Variants in NBEAL1 observed in about 807,000 individuals in gnomAD.
NBEAL1 encodes the protein neurobeachin like 1, also known as neurobeachin-like protein 1.
NBEAL1 carries 273 observed loss-of-function variants against 351.3 expected under a neutral mutation model. The observed-to-expected ratio is 0.78, with a 90% CI of 0.70 to 0.86. The LOEUF is 0.86. Among genes scored for constraint, NBEAL1 ranks in the 40% least tolerant of loss-of-function variants. The pLI, the probability that NBEAL1 is intolerant of heterozygous loss-of-function variation, is 0.00. For missense variants in NBEAL1, 2,961 were observed against 3,201.3 expected (o/e 0.92, Z 1.81); for synonymous variants, 1,050 against 1,086.4 (o/e 0.97, Z 0.66).
At position 203,188,456 on chromosome 2, in the gene NBEAL1, T is replaced by C; in HGVS notation, c.6706-16T>C. On this transcript the variant is annotated splice_polypyrimidine_tract_variant and intron_variant, in intron 44 of 55. Transcript: ENST00000683969. ...AGATATCTCTATATTAATTATTAAA[T>C]TTATTCTTTTTCTAGGAGTCTGAAT... 7.3e-7 allele frequency: 1 copy of C among 1,373,694 alleles called. No homozygotes were observed. Among genetic ancestry groups the C allele is most frequent in the Non-Finnish European group, 9.9e-7 (1 of 1,014,228 alleles). The allele number at this position is 1,373,694 out of a possible 1,614,324, so 85.1% of individuals were successfully genotyped here.
chr2:203,069,812 C>G (rs1041060366), intron 7 of NBEAL1, among the ~76,000 whole-genome samples: 1 of 152,044 alleles, frequency 6.6e-6, no homozygotes, highest in Non-Finnish European at 1.5e-5. Context: ...TATGTGCCAC[C>G]ATGCCTGGCT....
At chr2:203,130,153 T>C (rs1268122484) in intron 24 of NBEAL1, among the ~76,000 whole-genome samples, 165 bp from the exon 25 acceptor site, 2 of 152,060 alleles carry the variant, frequency 1.3e-5, no homozygotes, top group Admixed American at 1.3e-4. Context: ...CAGAGGGAGA[T>C]TCTGTCTCAA....
At chr2:203,217,216 ATATT>A in intron 55 of NBEAL1, 33 bp from the exon 56 acceptor site, 4 of 1,431,354 alleles carry the variant, frequency 2.8e-6, no homozygotes, top group South Asian at 3.1e-5. Context: ...TTTTTTCTTA[ATATT>A]TATTCTTCAT....
chr2:203,190,280 T>C lies in NBEAL1; in HGVS notation c.6824-12T>C. 1 of 1,593,104 alleles carries C rather than the reference T, an allele frequency of 6.3e-7. No homozygotes were observed. Among genetic ancestry groups the C allele is most frequent in the South Asian group, 1.1e-5 (1 of 88,028 alleles). Reference sequence around the variant, plus strand: ...TTTCACTCTATAGTAAGTTGACTTCTTCTGGTTTTAGGAGCTGTGGATCTG... The same window carrying C: ...TTTCACTCTATAGTAAGTTGACTTCCTCTGGTTTTAGGAGCTGTGGATCTG... On this transcript the variant is annotated splice_polypyrimidine_tract_variant and intron_variant, in intron 45 of 55. Coordinates refer to ENST00000683969, the MANE Select transcript of NBEAL1 (RefSeq NM_001378026.1).
chr2:203,067,427 C>G (rs1009797347), intron 6 of NBEAL1, among the ~76,000 whole-genome samples: 1 of 152,182 alleles, frequency 6.6e-6, no homozygotes, highest in African/African-American at 2.4e-5. Context: ...TTAGAACTCT[C>G]TATTTTGCTG....
Position 203,108,093 on chromosome 2 carries a change from G to T in NBEAL1, c.1854G>T (p.Gly618=). ...ISVPPIQKWP[G]SAFSFSAWFC... is the part of the protein sequence containing the mutation. ...TGCCTCCCATACAGAAATGGCCAGG[G>T]TCTGCCTTTTCTTTCAGTGCTTGGT... The change falls in exon 14 of 56, where the codon GGG becomes GGT. Residue 618 remains glycine, a synonymous_variant. Transcript: ENST00000683969. The T allele has an allele frequency of 6.4e-7, 1 of 1,552,134 alleles. No homozygotes were observed. Among genetic ancestry groups the T allele is most frequent in the South Asian group, 1.2e-5 (1 of 84,122 alleles).
intron 2 of NBEAL1, among the ~76,000 whole-genome samples, chr2:203,017,286 A>G (rs1364990788): frequency 6.6e-6 from 1 of 152,174 alleles, no homozygotes; most frequent in African/African-American, 2.4e-5. Context: ...TTCTCAAGTC[A>G]CAGCTTCTGT....
intron 46 of NBEAL1, among the ~76,000 whole-genome samples, chr2:203,192,899 C>T (rs952059218): frequency 6.7e-6 from 1 of 148,236 alleles, no homozygotes; most frequent in East Asian, 2.0e-4. Context: ...ACAAAATTTA[C>T]TTGAAAAGTA....
chr2:203,067,988 A>G (rs921416959), intron 6 of NBEAL1, among the ~76,000 whole-genome samples: 1 of 152,202 alleles, frequency 6.6e-6, no homozygotes, highest in African/African-American at 2.4e-5. Flanking sequence ...CTCATTATCC[A>G]TTATTATAAA....
intron 7 of NBEAL1, among the ~76,000 whole-genome samples, chr2:203,070,756 A>T (rs1160027025): frequency 6.6e-6 from 1 of 152,170 alleles, no homozygotes; most frequent in East Asian, 1.9e-4. Context: ...ACCAGATCTC[A>T]TGAGAACTCT....
rs546663638 is a variant in NBEAL1, at chr2:203,192,045, T to C, written c.6921+1656T>C. On this transcript the variant is annotated intron_variant, in intron 46 of 55. Coordinates refer to ENST00000683969, the MANE Select transcript of NBEAL1 (RefSeq NM_001378026.1). ...AGTAGTGTATCTAAGCTCTAACTTA[T>C]AGATGTACTTCTGTCAATACAGTAA... 5.3e-5 allele frequency among the ~76,000 whole-genome samples: 8 copies of C among 152,322 alleles called. No homozygotes were observed. The South Asian group carries it at 1.0e-3, about 20-fold the overall frequency.
In NBEAL1 at chr2:203,127,785, G is replaced by T; in HGVS notation, c.3253G>T (p.Gly1085Cys). The change falls in exon 24 of 56, where the codon GGT (glycine) becomes TGT (cysteine). Residue 1085 changes from glycine (G) to cysteine (C), a missense_variant. Gly to Cys is a radical substitution (Grantham distance 159). Transcript: ENST00000683969. ...LDTLRIYYGNGCKYNELSLDD... is the reference protein window; with the variant it reads ...LDTLRIYYGNCCKYNELSLDD... ...ATACTTTGTTTTGTCTTTCAGGAATGGTTGTAAATATAATGAACTATCTCT... is the reference window on the plus strand; with the variant it reads ...ATACTTTGTTTTGTCTTTCAGGAATTGTTGTAAATATAATGAACTATCTCT... 1 of 1,491,468 alleles carries T rather than the reference G, an allele frequency of 6.7e-7. No homozygotes were observed. Among genetic ancestry groups the T allele is most frequent in the South Asian group, 1.2e-5 (1 of 80,768 alleles). The allele number at this position is 1,491,468 out of a possible 1,614,324, so 92.4% of individuals were successfully genotyped here. A position where few individuals can be genotyped will look rare whatever the true frequency, so the allele number is the denominator to read the frequency against.
chr2:203,025,290 T>C (rs1161254276), intron 2 of NBEAL1, among the ~76,000 whole-genome samples: 1 of 152,248 alleles, frequency 6.6e-6, no homozygotes, highest in Non-Finnish European at 1.5e-5. Flanking sequence ...TTCCCTAATA[T>C]GCTTAAAGTA....
intron 44 of NBEAL1, 52 bp from the exon 45 acceptor site, chr2:203,188,420 A>G (rs777680968): frequency 2.1e-6 from 2 of 951,366 alleles, no homozygotes; most frequent in East Asian, 2.8e-5. Context: ...TGAATTTACA[A>G]TGTAGTTGGA....
chr2:203,199,962 C>G (rs1423977618), intron 49 of NBEAL1, among the ~76,000 whole-genome samples: 1 of 152,148 alleles, frequency 6.6e-6, no homozygotes, highest in Non-Finnish European at 1.5e-5. Context: ...TAATTTTATT[C>G]TACTTTATTA....
chr2:203,197,482 T>G (rs2065271267), intron 48 of NBEAL1, 91 bp downstream of exon 48: 9 of 890,272 alleles, frequency 1.0e-5, no homozygotes, highest in Non-Finnish European at 1.2e-5. Flanking sequence ...TAAAAGCCAC[T>G]TTTTGGCTGT....
At chr2:203,079,393 A>G (rs2061833871) in intron 8 of NBEAL1, among the ~76,000 whole-genome samples, 1 of 152,194 alleles carries the variant, frequency 6.6e-6, no homozygotes, top group South Asian at 2.1e-4. Flanking sequence ...ACAAAATCAC[A>G]AGTATTATTT....
chr2:203,050,094 G>A (rs1032232400), intron 4 of NBEAL1, 119 bp downstream of exon 4: 15 of 897,880 alleles, frequency 1.7e-5, no homozygotes, highest in Middle Eastern at 3.0e-4. Flanking sequence ...AGGGTGCTAG[G>A]AGAGGGATAA....
At chr2:203,042,380 G>A (rs138771633) in intron 3 of NBEAL1, among the ~76,000 whole-genome samples, 50 of 152,288 alleles carry the variant, frequency 3.3e-4, no homozygotes, top group South Asian at 1.2e-3. Context: ...GAGCTTCCAC[G>A]CCCTCTCCCC....
Sources: allele counts gnomAD v4.1 joint callset (sites outside exome capture counted in the v4.1 genomes callset), GRCh38; gene constraint gnomAD v4.1.1; transcripts MANE v1.5; gene names NCBI Gene and HGNC (gene_info 2026-07-23, HGNC 2026-07-21).